YJU2B: variants seen among roughly 807,000 people sequenced by gnomAD.
The protein encoded by YJU2B is YJU2 splicing factor homolog B, also known as probable splicing factor YJU2B.
In YJU2B, 18 loss-of-function variants were observed where a neutral mutation model predicts 38.0. The ratio of observed to expected loss-of-function variants is 0.47; its 90% CI spans 0.33 to 0.70. The LOEUF (loss-of-function observed/expected upper bound fraction) is 0.70. Ranked by LOEUF, YJU2B falls within the 30% of genes least tolerant of loss-of-function variation. The pLI, the probability that YJU2B is intolerant of heterozygous loss-of-function variation, is 0.02. For missense variants in YJU2B, 538 were observed against 556.3 expected (o/e 0.97, Z 0.33); for synonymous variants, 246 against 225.4 (o/e 1.09, Z -0.82).
At chr19:13,751,504 T>C (rs2145131932) in intron 1 of YJU2B, 104 bp from the exon 2 acceptor site, 2 of 394,778 alleles carry the variant, frequency 5.1e-6, no homozygotes, top group South Asian at 9.7e-5. Context: ...CCCACGTGAG[T>C]GATGATGGGT....
intron 1 of YJU2B, among the ~76,000 whole-genome samples, chr19:13,751,160 G>A (rs1036574265): frequency 6.6e-6 from 1 of 152,184 alleles, no homozygotes; most frequent in Admixed American, 6.6e-5. Context: ...GCTCACACCT[G>A]TAATGCCAGC....
Position 13,763,142 on chromosome 19 carries a change from A to G in YJU2B, c.*74A>G. On this transcript the variant is annotated 3_prime_UTR_variant, in exon 10 of 10. Transcript: ENST00000221554. Reference sequence around the variant, plus strand: ...CCAGGAGGCCCCTCACAGACTGCAGACCCCCGGCTCGCCCACCAGCCCTGG... The same window carrying G: ...CCAGGAGGCCCCTCACAGACTGCAGGCCCCCGGCTCGCCCACCAGCCCTGG... 7.7e-7 allele frequency: 1 copy of G among 1,302,316 alleles called. No individual in the cohort carries two copies. Among genetic ancestry groups the G allele is most frequent in the Middle Eastern group, 2.8e-4 (1 of 3,588 alleles). 80.7% of individuals were successfully genotyped at this position (1,302,316 alleles called of 1,614,324 possible). A position where few individuals can be genotyped will look rare whatever the true frequency, so the allele number is the denominator to read the frequency against.
intron 1 of YJU2B, among the ~76,000 whole-genome samples, chr19:13,750,830 C>T (rs1874432664): frequency 6.9e-6 from 1 of 144,664 alleles, no homozygotes; most frequent in South Asian, 2.2e-4. Flanking sequence ...CCCACTCCAG[C>T]CTGGGTGATA....
chr19:13,754,404 G>A, intron 3 of YJU2B, 62 bp downstream of exon 3: 1 of 1,384,806 alleles, frequency 7.2e-7, no homozygotes, highest in South Asian at 1.2e-5. Context: ...CCCCTCTTGG[G>A]GTTAGAGCCA....
At chr19:13,733,516 G>C (rs897247200) in intron 2 of YJU2B, among the ~76,000 whole-genome samples, 1 of 152,060 alleles carries the variant, frequency 6.6e-6, no homozygotes, top group Non-Finnish European at 1.5e-5. Flanking sequence ...GAGGTCAGGA[G>C]TTCAAGACCA....
chr19:13,762,892 G>C lies in YJU2B; in HGVS notation c.1015G>C (p.Glu339Gln), dbSNP rs534603591. Reference sequence around the variant, plus strand: ...CATGTCCCCCGGAGACTGTCCTCCGGAAACAACTGAGACCCCCAAGTGCAG... The same window carrying C: ...CATGTCCCCCGGAGACTGTCCTCCGCAAACAACTGAGACCCCCAAGTGCAG... ...RPMSPGDCPPETTETPKCSSP... is the reference protein window; with the variant it reads ...RPMSPGDCPPQTTETPKCSSP... The change falls in exon 10 of 10, where the codon GAA (glutamate) becomes CAA (glutamine). Residue 339 changes from glutamate (E) to glutamine (Q), a missense_variant. By Grantham distance (29) the Glu-to-Gln change is conservative (BLOSUM62 2). Coordinates refer to ENST00000221554, the MANE Select transcript of YJU2B (RefSeq NM_030818.4). 5.6e-5 allele frequency: 90 copies of C among 1,611,620 alleles called. 3 individuals carry two copies. In the South Asian group the frequency reaches 8.9e-4, roughly 16 times the overall value.
rs773597236 is a variant in YJU2B, at chr19:13,762,662, C to T, written c.785C>T (p.Ser262Phe). 50 of 1,574,240 alleles carry T rather than the reference C, an allele frequency of 3.2e-5. No homozygotes were observed. The highest frequency in any genetic ancestry group is 4.0e-5 in the Non-Finnish European group (47 of 1,166,428). ...TCCTGGTTCCCCTCTGCCCCCGGAT[C>T]CGCCTCCAGCAGCAAGGTCAGCGGC... is the stretch of plus-strand genomic sequence containing the variant. ...SRSWFPSAPGSASSSKVSGVL... is the reference protein window; with the variant it reads ...SRSWFPSAPGFASSSKVSGVL... Residue 262 changes from serine to phenylalanine, a missense_variant, in exon 10 of 10, where the codon TCC becomes TTC. By Grantham distance (155) the Ser-to-Phe change is radical (BLOSUM62 -2). Transcript: ENST00000221554.
intron 3 of YJU2B, among the ~76,000 whole-genome samples, chr19:13,755,412 G>A (rs1201388246): frequency 7.0e-6 from 1 of 143,554 alleles, no homozygotes; most frequent in African/African-American, 2.6e-5. Flanking sequence ...AGTGAGCCGA[G>A]ATCACGCCAC....
chr19:13,746,648 T>C (rs2145111952), upstream of YJU2B, among the ~76,000 whole-genome samples: 1 of 152,354 alleles, frequency 6.6e-6, no homozygotes, highest in Admixed American at 6.5e-5. Flanking sequence ...GGCTCATGCC[T>C]GTAATCCAGG....
At position 13,762,724 on chromosome 19, in the gene YJU2B, C is replaced by T. The variant is rs1973946491; in HGVS notation, c.847C>T (p.Leu283Phe). 1.2e-6 allele frequency: 2 copies of T among 1,608,060 alleles called. No homozygotes were observed. The highest frequency in any genetic ancestry group is 2.2e-5 in the South Asian group (2 of 90,952). Reference protein sequence around the residue: ...KKLAQSRRTALATSPITVGDL... With the variant: ...KKLAQSRRTAFATSPITVGDL... Reference sequence around the variant, plus strand: ...GCTGGCACAGAGCCGCAGAACCGCGCTTGCCACCTCCCCCATCACCGTCGG... The same window carrying T: ...GCTGGCACAGAGCCGCAGAACCGCGTTTGCCACCTCCCCCATCACCGTCGG... Residue 283 changes from leucine (L) to phenylalanine (F), a missense_variant, in exon 10 of 10, where the codon CTT (leucine) becomes TTT (phenylalanine). This residue lies in a region of YJU2B where 488 missense variants were observed against 469.5 expected (regional missense o/e 1.04). Transcript: ENST00000221554.
chr19:13,757,909 A>G (rs1973730871), intron 6 of YJU2B, 63 bp downstream of exon 6: 2 of 1,448,578 alleles, frequency 1.4e-6, no homozygotes, highest in African/African-American at 1.4e-5. Flanking sequence ...GGGGGCTACA[A>G]AGAGCCTGAG....
At chr19:13,760,508 T>A (rs549417901) in intron 8 of YJU2B, among the ~76,000 whole-genome samples, 4 of 152,176 alleles carry the variant, frequency 2.6e-5, no homozygotes, top group African/African-American at 9.7e-5. Context: ...ACATATCAAT[T>A]TGGGGGACAC....
intron 1 of YJU2B, 25 bp downstream of exon 1, chr19:13,747,979 G>A (rs552639396): frequency 6.6e-6 from 1 of 152,246 alleles, no homozygotes; most frequent in Non-Finnish European, 1.5e-5. Flanking sequence ...GCGGAGGAGC[G>A]GGGAGGGCCG....
At chr19:13,753,126 C>T (rs1427970770) in intron 2 of YJU2B, among the ~76,000 whole-genome samples, 5 of 152,086 alleles carry the variant, frequency 3.3e-5, no homozygotes, top group Admixed American at 2.6e-4. Context: ...GGGTTTTTTG[C>T]CCAAGTAGCC....
chr19:13,756,234 T>A lies in YJU2B; in HGVS notation c.95T>A (p.Leu32His), dbSNP rs1412336089. ...SLNRYHNSHPLRERARKLSQG... is the reference protein window; with the variant it reads ...SLNRYHNSHPHRERARKLSQG... ...AACCGATACCACAACAGCCACCCGC[T>A]TCGGGAGCGGGCTCGGAAGCTGTCA... The change falls in exon 4 of 10, where the codon CTT (leucine) becomes CAT (histidine). Residue 32 changes from leucine (L) to histidine (H), a missense_variant. By Grantham distance (99) the Leu-to-His change is moderately conservative. Around this residue, in one of 2 missense-constraint regions of YJU2B, gnomAD observed 50 missense variants for 86.9 expected, o/e 0.58. Transcript: ENST00000221554. The A allele has an allele frequency of 6.2e-7, 1 of 1,614,076 alleles. No individual in the cohort carries two copies. The highest frequency in any genetic ancestry group is 8.5e-7 in the Non-Finnish European group (1 of 1,180,006).
In YJU2B at chr19:13,762,773, G is replaced by T. The variant is rs1194616554; in HGVS notation, c.896G>T (p.Arg299Met). The stretch of plus-strand genomic sequence containing the variant: ...GGGGACCTGGGCATCGTGCGGCGGA[G>T]GTCTCGGGACGTCCCGGAGAGCCCC... ...TVGDLGIVRR[R>M]SRDVPESPQH... Residue 299 changes from arginine to methionine, a missense_variant, in exon 10 of 10, where the codon AGG becomes ATG. By Grantham distance (91) the Arg-to-Met change is moderately conservative. Transcript: ENST00000221554. 3 of 1,605,610 alleles carry T rather than the reference G, an allele frequency of 1.9e-6. No individual in the cohort carries two copies. Among genetic ancestry groups the T allele is most frequent in the Non-Finnish European group, 2.5e-6 (3 of 1,177,374 alleles).
intron 2 of YJU2B, among the ~76,000 whole-genome samples, chr19:13,733,900 T>G (rs2145071488): frequency 6.6e-6 from 1 of 152,300 alleles, no homozygotes; most frequent in Non-Finnish European, 1.5e-5. Context: ...TAAATAGATT[T>G]GAATTCTTTA....
upstream of YJU2B, among the ~76,000 whole-genome samples, chr19:13,743,357 A>G (rs1973142718): frequency 6.6e-6 from 1 of 152,198 alleles, no homozygotes; most frequent in African/African-American, 2.4e-5. Context: ...AGATGGGAGG[A>G]TTACCTGAGG....
Position 13,762,718 on chromosome 19 carries a change from A to T in YJU2B, c.841A>T (p.Thr281Ser), listed in dbSNP as rs1973945874. Reference protein sequence around the residue: ...VLKKLAQSRRTALATSPITVG... With the variant: ...VLKKLAQSRRSALATSPITVG... ...GAAGAAGCTGGCACAGAGCCGCAGA[A>T]CCGCGCTTGCCACCTCCCCCATCAC... Residue 281 changes from threonine to serine, a missense_variant, in exon 10 of 10, where the codon ACC (threonine) becomes TCC (serine). Transcript: ENST00000221554. 9 of 1,607,406 alleles carry T rather than the reference A, an allele frequency of 5.6e-6. No homozygotes were observed. The highest frequency in any genetic ancestry group is 7.6e-6 in the Non-Finnish European group (9 of 1,179,554).
Sources: allele counts gnomAD v4.1 joint callset (sites outside exome capture counted in the v4.1 genomes callset), GRCh38; gene constraint gnomAD v4.1.1; regional missense constraint gnomAD v4.1.1; transcripts MANE v1.5; gene names NCBI Gene and HGNC (gene_info 2026-07-23, HGNC 2026-07-21).